Variants in ZNF410 observed in about 807,000 individuals in gnomAD.
The protein encoded by ZNF410 is another partner for ARF 1.
ZNF410 carries 18 observed loss-of-function variants against 54.8 expected under a neutral mutation model. The observed-to-expected ratio is 0.33, with a 90% CI of 0.23 to 0.49. The LOEUF is 0.49. ZNF410 is among the 20% of genes least tolerant of loss of function. The pLI is 0.99. For synonymous variants in ZNF410, 191 were observed against 207.3 expected (o/e 0.92, Z 0.68); for missense variants, 405 against 569.6 (o/e 0.71, Z 2.94).
At chr14:73,899,345 G>T (rs1288608765) in intron 5 of ZNF410, among the ~76,000 whole-genome samples, 1 of 151,558 alleles carries the variant, frequency 6.6e-6, no homozygotes, top group Non-Finnish European at 1.5e-5. Context: ...TGGACTCAGG[G>T]TCTCCTCCTG....
intron 11 of ZNF410, among the ~76,000 whole-genome samples, chr14:73,926,328 G>A (rs945922611): frequency 1.3e-5 from 2 of 151,712 alleles, no homozygotes; most frequent in African/African-American, 4.8e-5. Flanking sequence ...TTCAAACAAT[G>A]TCTGTATATT....
At position 73,917,730 on chromosome 14, in the gene ZNF410, C is replaced by T. The variant is rs554389798; in HGVS notation, c.1004-3250C>T. Among the ~76,000 whole-genome samples the T allele has an allele frequency of 2.6e-5, 4 of 152,130 alleles. No individual in the cohort carries two copies. The South Asian group carries it at 8.3e-4, about 32-fold the overall frequency. Reference sequence around the variant, plus strand: ...CCCAACTACTCAGGAGGCTGAGGTGCAAGAATCACTTGAACCTGGGAGGGG... The same window carrying T: ...CCCAACTACTCAGGAGGCTGAGGTGTAAGAATCACTTGAACCTGGGAGGGG... On this transcript the variant is annotated intron_variant, in intron 8 of 11. Coordinates refer to ENST00000555044, the MANE Select transcript of ZNF410 (RefSeq NM_021188.3).
intron 3 of ZNF410, chr14:73,894,423 C>CTT (rs759584257): frequency 0.014 from 9,084 of 627,304 alleles, 7 homozygotes; most frequent in Non-Finnish European, 0.017. Flanking sequence ...TACATACTTG[C>CTT]TTTTTTTTTT....
At position 73,896,426 on chromosome 14, in the gene ZNF410, G is replaced by A. The variant is rs1456413249; in HGVS notation, c.280G>A (p.Val94Ile). Residue 94 changes from valine (V) to isoleucine (I), a missense_variant, in exon 4 of 12, where the codon GTA becomes ATA. Val to Ile is a conservative substitution (Grantham distance 29). Around this residue, in one of 3 missense-constraint regions of ZNF410, gnomAD observed 247 missense variants for 342.8 expected, o/e 0.72. Coordinates refer to ENST00000555044, the MANE Select transcript of ZNF410 (RefSeq NM_021188.3). ...CGGAGAGGAGACGAGAGCTCAGACTGTACAGAAATCCCCGGAGTTTTTGTC... is the reference window on the plus strand; with the variant it reads ...CGGAGAGGAGACGAGAGCTCAGACTATACAGAAATCCCCGGAGTTTTTGTC... Reference protein sequence around the residue: ...PDGEETRAQTVQKSPEFLSTS... With the variant: ...PDGEETRAQTIQKSPEFLSTS... 3 of 1,614,096 alleles carry A rather than the reference G, an allele frequency of 1.9e-6. No homozygotes were observed. The highest frequency in any genetic ancestry group is 2.7e-5 in the African/African-American group (2 of 74,934).
intron 7 of ZNF410, among the ~76,000 whole-genome samples, chr14:73,907,879 G>A (rs1476406956): frequency 4.0e-5 from 6 of 150,554 alleles, no homozygotes; most frequent in Admixed American, 3.3e-4. Flanking sequence ...GGCAACAAGA[G>A]CGAAACTCTG....
At chr14:73,912,901 AGGGG>A (rs2055607157) in intron 8 of ZNF410, among the ~76,000 whole-genome samples, 3 of 150,734 alleles carry the variant, frequency 2.0e-5, no homozygotes, top group African/African-American at 7.3e-5. Context: ...TTTTTAGTTC[AGGGG>A]TACATGTGTA....
chr14:73,912,109 T>C (rs2055588733), intron 8 of ZNF410, among the ~76,000 whole-genome samples: 1 of 151,976 alleles, frequency 6.6e-6, no homozygotes. Context: ...TCAAAATTGA[T>C]CCATGGGTTC....
At chr14:73,893,245 G>A (rs1233885613) in intron 2 of ZNF410, 1 of 152,130 alleles carries the variant, frequency 6.6e-6, no homozygotes, top group Admixed American at 6.5e-5. Flanking sequence ...TTGACAGAAG[G>A]TGGCAGAGGT....
At chr14:73,914,417 G>GC (rs1482937749) in intron 8 of ZNF410, 2 of 151,916 alleles carry the variant, frequency 1.3e-5, no homozygotes, top group African/African-American at 4.8e-5. Flanking sequence ...CAAGTGATCT[G>GC]CCCGCCTTGG....
At chr14:73,918,759 C>T (rs970575328) in intron 8 of ZNF410, among the ~76,000 whole-genome samples, 3 of 130,584 alleles carry the variant, frequency 2.3e-5, no homozygotes, top group Middle Eastern at 4.9e-3. Context: ...AGTGCAGTGG[C>T]GTGATGTCGG....
chr14:73,908,414 T>C (rs1291513172), intron 7 of ZNF410, among the ~76,000 whole-genome samples: 1 of 152,220 alleles, frequency 6.6e-6, no homozygotes, highest in African/African-American at 2.4e-5. Context: ...TATTAGTATA[T>C]TGCTCATTCT....
chr14:73,898,470 C>T (rs2055356748), intron 5 of ZNF410: 2 of 605,770 alleles, frequency 3.3e-6, no homozygotes, highest in Non-Finnish European at 2.9e-6. Flanking sequence ...TCTGAATTCT[C>T]AACTTTAAAT....
rs991225918 is a variant in ZNF410 at position 73,932,491 on chromosome 14, C to T, written c.*950C>T. The T allele has an allele frequency of 2.2e-6, 1 of 452,652 alleles. No homozygotes were observed. The highest frequency in any genetic ancestry group is 2.0e-5 in the African/African-American group (1 of 49,786). The allele number at this position is 452,652 out of a possible 1,614,324, so 28.0% of individuals were successfully genotyped here. On this transcript the variant is annotated 3_prime_UTR_variant, in exon 12 of 12. Transcript: ENST00000555044. ...AAAAAAGACGCATCTGAGAAAATGG[C>T]AATAAAAACAGATACTTCTGAATTT...
intron 11 of ZNF410, among the ~76,000 whole-genome samples, chr14:73,926,898 T>C (rs558419927): frequency 6.6e-6 from 1 of 152,312 alleles, no homozygotes; most frequent in East Asian, 1.9e-4. Flanking sequence ...CAAGAATATT[T>C]CATAAATGGT....
At chr14:73,928,634 A>AT (rs1192021761) in intron 11 of ZNF410, among the ~76,000 whole-genome samples, 1 of 152,190 alleles carries the variant, frequency 6.6e-6, no homozygotes, top group Non-Finnish European at 1.5e-5. Flanking sequence ...GGGAGACAGC[A>AT]TAACACAGGC....
chr14:73,929,882 G>T (rs2055886352), intron 11 of ZNF410, among the ~76,000 whole-genome samples: 1 of 151,970 alleles, frequency 6.6e-6, no homozygotes. Context: ...CTCTGGTTCA[G>T]GTGGACAATC....
intron 8 of ZNF410, chr14:73,916,042 C>A (rs186492771): frequency 6.6e-6 from 1 of 151,714 alleles, no homozygotes; most frequent in African/African-American, 2.4e-5. Context: ...GAGTTCTGGA[C>A]CAGCCTGGGC....
chr14:73,898,162 T>C lies in ZNF410; in HGVS notation c.480T>C (p.Ser160=). The C allele has an allele frequency of 6.2e-7, 1 of 1,614,152 alleles. No individual in the cohort carries two copies. Among genetic ancestry groups the C allele is most frequent in the Non-Finnish European group, 8.5e-7 (1 of 1,180,036 alleles). The change falls in exon 5 of 12, where the codon AGT becomes AGC. Residue 160 remains serine (S), a synonymous_variant. Transcript: ENST00000555044. ...NDFLSSESTD[S]SIPWFLRVQE... is the part of the protein sequence containing the mutation. ...TCCTCTCCAGTGAGAGCACAGACAGTAGCATTCCATGGTTCCTCCGGGTTC... is the reference window on the plus strand; with the variant it reads ...TCCTCTCCAGTGAGAGCACAGACAGCAGCATTCCATGGTTCCTCCGGGTTC...
chr14:73,911,777 C>T (rs2055583419), intron 8 of ZNF410, among the ~76,000 whole-genome samples: 1 of 152,250 alleles, frequency 6.6e-6, no homozygotes, highest in South Asian at 2.1e-4. Context: ...CAGGATCCAA[C>T]AAGATCCAAT....
Sources: gnomAD v4.1 joint callset for allele counts (sites outside exome capture counted in the v4.1 genomes callset) on GRCh38, gnomAD v4.1.1 for gene constraint, gnomAD v4.1.1 regional missense constraint, MANE v1.5 for transcripts, NCBI Gene and HGNC (gene_info 2026-07-23, HGNC 2026-07-21) for gene names.